The following CACNA2D4 variants were observed in gnomAD, a reference collection of about 807,000 sequenced individuals.
The protein encoded by CACNA2D4 is voltage-dependent calcium channel subunit alpha-2/delta-4.
CACNA2D4 carries 157 observed loss-of-function variants against 163.8 expected under a neutral mutation model. That is an observed-to-expected ratio of 0.96 (90% CI 0.84 to 1.09). The LOEUF is 1.09. Ranked by LOEUF, CACNA2D4 falls within the 50% of genes least tolerant of loss-of-function variation. CACNA2D4 has a pLI of 0.00. For missense variants in CACNA2D4, 1,410 were observed against 1,479.9 expected, an observed-to-expected ratio of 0.95 and a Z score of 0.78; for synonymous variants, 598 against 586.9, an observed-to-expected ratio of 1.02 and a Z score of -0.27.
intron 26 of CACNA2D4, among the ~76,000 whole-genome samples, chr12:1,839,949 C>T (rs189830172): frequency 1.3e-5 from 2 of 152,300 alleles, no homozygotes; most frequent in East Asian, 3.8e-4. Context: ...GCCTATGGTC[C>T]TCATTTATAA....
chr12:1,831,270 C>T, intron 26 of CACNA2D4: 5 of 1,613,790 alleles, frequency 3.1e-6, no homozygotes, highest in Non-Finnish European at 4.2e-6. Flanking sequence ...GGACAGGGAC[C>T]TGCTGCGGCA....
chr12:1,820,888 G>T lies in CACNA2D4; in HGVS notation c.2552-9165C>A, dbSNP rs1332744058. The T allele has an allele frequency of 6.6e-6, 1 of 152,258 alleles. No homozygotes were observed. The highest frequency in any genetic ancestry group is 1.5e-5 in the Non-Finnish European group (1 of 68,080). 9.4% of individuals were successfully genotyped at this position (152,258 alleles called of 1,614,324 possible). A position where few individuals can be genotyped will look rare whatever the true frequency, so the allele number is the denominator to read the frequency against. On this transcript the variant is annotated intron_variant, in intron 26 of 37. Coordinates refer to ENST00000382722, the MANE Select transcript of CACNA2D4 (RefSeq NM_172364.5). The surrounding 1 kb of genome is among the most constrained non-coding windows in gnomAD (Gnocchi z 6.0). ...GGGGGTGGTCGGGGCATGGGAAGTG[G>T]GCACCGGCCATCTCTGCCCTGCAGG... is the stretch of plus-strand genomic sequence containing the variant.
rs748399281 is a variant in CACNA2D4, at chr12:1,875,372, T to G, written c.1720-35A>C. 2.3e-6 allele frequency: 3 copies of G among 1,299,772 alleles called. No homozygotes were observed. The African/African-American group carries it at 4.4e-5, about 19-fold the overall frequency. The allele number at this position is 1,299,772 out of a possible 1,614,324, so 80.5% of individuals were successfully genotyped here. On this transcript the variant is annotated intron_variant, in intron 16 of 37. Transcript: ENST00000382722. This position sits in a 1 kb window ranked among gnomAD's most constrained non-coding sequence, Gnocchi z 4.0. ...GCAGGTCAGGAAGAAAAACATGTGG[T>G]CAGTATACGTCCTGCTCAAGTTTAT... is the stretch of plus-strand genomic sequence containing the variant.
intron 26 of CACNA2D4, among the ~76,000 whole-genome samples, chr12:1,817,580 C>T (rs1863918944): frequency 6.6e-6 from 1 of 152,240 alleles, no homozygotes; most frequent in East Asian, 1.9e-4. Flanking sequence ...CTGCAACCTC[C>T]CTGCCTGATT....
intron 31 of CACNA2D4, 23 bp from the exon 32 acceptor site, chr12:1,800,461 C>G: frequency 6.2e-7 from 1 of 1,613,196 alleles, no homozygotes; most frequent in Non-Finnish European, 8.5e-7. Context: ...GAGTGCACAC[C>G]GCTCGCACCT....
At chr12:1,807,934 G>A (rs1407868775) in intron 29 of CACNA2D4, among the ~76,000 whole-genome samples, 3 of 152,178 alleles carry the variant, frequency 2.0e-5, no homozygotes, top group Non-Finnish European at 2.9e-5. Flanking sequence ...AACTACACAC[G>A]GGGTAAAAAG....
rs80037032 is a variant in CACNA2D4 at position 1,828,712 on chromosome 12, G to C, written c.2551+12027C>G. On this transcript the variant is annotated intron_variant, in intron 26 of 37. Coordinates refer to ENST00000382722, the MANE Select transcript of CACNA2D4 (RefSeq NM_172364.5). This position sits in a 1 kb window ranked among gnomAD's most constrained non-coding sequence, Gnocchi z 4.2. ...TTATGCCTCCGCTTTCCCAACTCTC[G>C]GTAGAGGACCTAGTGGGCTCGTGGG... 4.4e-3 allele frequency among the ~76,000 whole-genome samples: 675 copies of C among 152,322 alleles called. 2 individuals carry two copies. Among genetic ancestry groups the C allele is most frequent in the African/African-American group, 0.016 (650 of 41,574 alleles).
chr12:1,857,742 TG>T (rs1437842145), intron 20 of CACNA2D4, among the ~76,000 whole-genome samples: 1 of 152,180 alleles, frequency 6.6e-6, no homozygotes, highest in Non-Finnish European at 1.5e-5. Flanking sequence ...CATCTCACTT[TG>T]GTTCGCATCC....
intron 22 of CACNA2D4, among the ~76,000 whole-genome samples, chr12:1,855,745 T>C (rs776985119): frequency 4.6e-5 from 7 of 152,216 alleles, no homozygotes; most frequent in Non-Finnish European, 1.0e-4. Flanking sequence ...GCTTGGTGGA[T>C]AGAGGCTGAA....
In CACNA2D4 at chr12:1,874,614, A is replaced by T; in HGVS notation, c.1868T>A (p.Met623Lys). ...TTTCTAGCTCCTTACCCCTTTATCC[A>T]TCGGAACCTTCACATCCATCGAGAG... The part of the protein sequence containing the change: ...GTLSMDVKVP[M>K]DKGKRVLFLT... The change falls in exon 18 of 38, where the codon ATG becomes AAG. Residue 623 changes from methionine to lysine, a missense_variant. Met to Lys is a moderately conservative substitution (Grantham distance 95). Transcript: ENST00000382722. The surrounding 1 kb of genome is among the most constrained non-coding windows in gnomAD (Gnocchi z 4.4). The T allele has an allele frequency of 6.2e-7, 1 of 1,611,494 alleles. No homozygotes were observed. The highest frequency in any genetic ancestry group is 8.5e-7 in the Non-Finnish European group (1 of 1,177,746).
chr12:1,855,939 A>T, intron 22 of CACNA2D4, 73 bp downstream of exon 22: 1 of 1,176,928 alleles, frequency 8.5e-7, no homozygotes, highest in Non-Finnish European at 1.3e-6. Context: ...CTGCCTTCCC[A>T]CCTCTCCTGG....
chr12:1,884,926 C>G (rs1339983813), intron 10 of CACNA2D4, 45 bp from the exon 11 acceptor site: 1 of 1,599,380 alleles, frequency 6.3e-7, no homozygotes, highest in Non-Finnish European at 8.6e-7. Flanking sequence ...CCAAGCCCAC[C>G]CCCCTCCACC....
At chr12:1,804,326 A>C (rs73043818) in intron 29 of CACNA2D4, among the ~76,000 whole-genome samples, 12,683 of 152,198 alleles carry the variant, frequency 0.083, 706 homozygotes, top group Middle Eastern at 0.13. Flanking sequence ...GCTCCCTGGG[A>C]AAGTGCAGCG....
rs563467087 is a variant in CACNA2D4, at chr12:1,850,632, C to T, written c.2246+3319G>A. On this transcript the variant is annotated intron_variant, in intron 23 of 37. Transcript: ENST00000382722. ...AAAAAAAGATGAGGTTGGCCAGGCG[C>T]GGTGGCTCACGCCTGTAATCCCAGC... Among the ~76,000 whole-genome samples the T allele has an allele frequency of 1.3e-4, 19 of 151,996 alleles. No homozygotes were observed. The East Asian group carries it at 2.3e-3, about 19-fold the overall frequency.
intron 28 of CACNA2D4, 54 bp downstream of exon 28, chr12:1,810,489 C>G (rs1464240931): frequency 6.5e-7 from 1 of 1,539,190 alleles, no homozygotes; most frequent in Non-Finnish European, 8.8e-7. Flanking sequence ...CCAGGAGGAC[C>G]GGGCGGAGGG....
chr12:1,894,090 TA>T (rs1438576286), intron 6 of CACNA2D4, among the ~76,000 whole-genome samples: 1 of 151,968 alleles, frequency 6.6e-6, no homozygotes. Context: ...ACCACATAAA[TA>T]GAGACCATTA....
Position 1,844,423 on chromosome 12 carries a change from G to A in CACNA2D4, c.2449C>T (p.Leu817Phe). 6.2e-7 allele frequency: 1 copy of A among 1,613,662 alleles called. No homozygotes were observed. The highest frequency in any genetic ancestry group is 8.5e-7 in the Non-Finnish European group (1 of 1,179,796). Residue 817 changes from leucine to phenylalanine, a missense_variant, in exon 25 of 38, where the codon CTC becomes TTC. Coordinates refer to ENST00000382722, the MANE Select transcript of CACNA2D4 (RefSeq NM_172364.5). The surrounding 1 kb of genome is among the most constrained non-coding windows in gnomAD (Gnocchi z 4.2). ...TTACCTGGTCCTTCTGCCCAGCGGAGGTTGAAGACGAAGCTGCCAGCAGGA... is the reference window on the plus strand; with the variant it reads ...TTACCTGGTCCTTCTGCCCAGCGGAAGTTGAAGACGAAGCTGCCAGCAGGA... Reference protein sequence around the residue: ...EHPAGSFVFNLRWAEGPESAG... With the variant: ...EHPAGSFVFNFRWAEGPESAG...
At chr12:1,823,047 C>T (rs1031555272) in intron 26 of CACNA2D4, among the ~76,000 whole-genome samples, 15 of 152,160 alleles carry the variant, frequency 9.9e-5, no homozygotes, top group Admixed American at 7.2e-4. Context: ...GCAAATGCCC[C>T]CTTTACCCCT....
In CACNA2D4 at chr12:1,887,060, C is replaced by T; in HGVS notation, c.791G>A (p.Trp264Ter). The T allele has an allele frequency of 2.5e-6, 4 of 1,586,088 alleles. No homozygotes were observed. Among genetic ancestry groups the T allele is most frequent in the Non-Finnish European group, 2.6e-6 (3 of 1,163,164 alleles). Residue 264 changes from tryptophan to a stop codon, truncating the protein, a stop_gained, in exon 7 of 38, where the codon TGG (tryptophan) becomes TAG (stop). Transcript: ENST00000382722. LOFTEE classifies it high-confidence loss of function. ...AATGACTCCATTCTCATCAGGTGTC[C>T]ATTTTATACCTGGGAGAATAAAGAC... is the stretch of plus-strand genomic sequence containing the variant. ...GFFRIYPGIK[W>*]TPDENGVITF...
Sources: allele counts gnomAD v4.1 joint callset (sites outside exome capture counted in the v4.1 genomes callset), GRCh38; gene constraint gnomAD v4.1.1; non-coding constraint Gnocchi (gnomAD v3.1); transcripts MANE v1.5; gene names NCBI Gene and HGNC (gene_info 2026-07-23, HGNC 2026-07-21).